The following KCNH5 variants were observed in gnomAD, a reference collection of about 807,000 sequenced individuals.
The protein encoded by KCNH5 is potassium voltage-gated channel subfamily H member 5.
In KCNH5, 46 loss-of-function variants were observed where a neutral mutation model predicts 96.1. The observed-to-expected ratio is 0.48, with a 90% CI of 0.38 to 0.61. KCNH5 has a LOEUF of 0.61. Ranked by LOEUF, KCNH5 falls within the 20% of genes least tolerant of loss-of-function variation. The probability of loss-of-function intolerance (pLI) is 0.00; values close to 1 mark genes in which losing one functional copy is unlikely to be tolerated. For missense variants in KCNH5, 907 were observed against 1,225.8 expected (o/e 0.74, Z 3.88); for synonymous variants, 439 against 449.8 (o/e 0.98, Z 0.30).
intron 6 of KCNH5, among the ~76,000 whole-genome samples, chr14:62,954,137 C>A (rs1159397293): frequency 1.3e-5 from 2 of 152,122 alleles, no homozygotes; most frequent in African/African-American, 4.8e-5. Context: ...ACAAGTTATT[C>A]TCTCTGTTTA....
At chr14:62,751,829 TG>T (rs1427446912) in intron 10 of KCNH5, among the ~76,000 whole-genome samples, 1 of 152,200 alleles carries the variant, frequency 6.6e-6, no homozygotes, top group African/African-American at 2.4e-5. Flanking sequence ...CATAGAAGTA[TG>T]GGGACCCATA....
intron 1 of KCNH5, among the ~76,000 whole-genome samples, chr14:63,044,443 G>C (rs1891883990): frequency 6.6e-6 from 1 of 152,158 alleles, no homozygotes; most frequent in African/African-American, 2.4e-5. Flanking sequence ...AATAGTTACT[G>C]CTTCACTTCT....
At chr14:62,899,456 T>G (rs963746430) in intron 7 of KCNH5, among the ~76,000 whole-genome samples, 12 of 152,122 alleles carry the variant, frequency 7.9e-5, no homozygotes, top group Admixed American at 6.5e-4. Context: ...GTGACAGATA[T>G]GTTAAATGGC....
intron 1 of KCNH5, among the ~76,000 whole-genome samples, chr14:63,042,841 T>G (rs1180744381): frequency 6.6e-6 from 1 of 152,208 alleles, no homozygotes; most frequent in Admixed American, 6.5e-5. Context: ...CTGAGACTTT[T>G]CAGTATTTAT....
chr14:62,846,596 A>G (rs1887695954), intron 8 of KCNH5, among the ~76,000 whole-genome samples: 1 of 151,580 alleles, frequency 6.6e-6, no homozygotes. Flanking sequence ...TTAGATTTTT[A>G]GTTCATTTTA....
intron 7 of KCNH5, among the ~76,000 whole-genome samples, chr14:62,858,120 C>T (rs1481208106): frequency 6.6e-6 from 1 of 151,976 alleles, no homozygotes; most frequent in Non-Finnish European, 1.5e-5. Flanking sequence ...TATACATGCA[C>T]AAACACGTTT....
At chr14:62,892,975 C>T (rs1259764362) in intron 7 of KCNH5, among the ~76,000 whole-genome samples, 4 of 152,186 alleles carry the variant, frequency 2.6e-5, no homozygotes, top group African/African-American at 9.6e-5. Context: ...GCTAACACAA[C>T]ATCCATTCTG....
intron 10 of KCNH5, among the ~76,000 whole-genome samples, chr14:62,734,169 C>T (rs1411178958): frequency 6.6e-6 from 1 of 152,050 alleles, no homozygotes; most frequent in Non-Finnish European, 1.5e-5. Context: ...CTCTTCCCCA[C>T]CCCCCAACAT....
chr14:62,983,850 T>C (rs553021834), intron 5 of KCNH5, among the ~76,000 whole-genome samples: 1 of 152,316 alleles, frequency 6.6e-6, no homozygotes, highest in African/African-American at 2.4e-5. Flanking sequence ...AAGATATCTG[T>C]CTTACATTTC....
At chr14:62,952,529 C>A (rs1376640079) in intron 6 of KCNH5, among the ~76,000 whole-genome samples, 2 of 152,130 alleles carry the variant, frequency 1.3e-5, no homozygotes, top group Non-Finnish European at 2.9e-5. Flanking sequence ...AAAACTCAAA[C>A]AGAGTTCAGT....
chr14:62,802,635 A>G, intron 8 of KCNH5, 54 bp from the exon 9 acceptor site: 1 of 1,583,150 alleles, frequency 6.3e-7, no homozygotes, highest in Non-Finnish European at 8.6e-7. Flanking sequence ...GGGCCACTTC[A>G]GAAAAACAAT....
At chr14:62,898,416 C>CT (rs775746365) in intron 7 of KCNH5, among the ~76,000 whole-genome samples, 19 of 152,074 alleles carry the variant, frequency 1.2e-4, no homozygotes, top group Non-Finnish European at 2.5e-4. Flanking sequence ...AAATAATAGA[C>CT]TTGGAGATTT....
At chr14:62,770,557 A>T (rs1885963258) in intron 10 of KCNH5, among the ~76,000 whole-genome samples, 1 of 152,182 alleles carries the variant, frequency 6.6e-6, no homozygotes. Flanking sequence ...GGTTAAATGG[A>T]ATCTACATGT....
chr14:62,920,220 G>A (rs1889354031), intron 7 of KCNH5, among the ~76,000 whole-genome samples: 2 of 151,894 alleles, frequency 1.3e-5, no homozygotes, highest in Non-Finnish European at 2.9e-5. Flanking sequence ...GGAGGGATAG[G>A]GAAAAGAAGG....
intron 4 of KCNH5, among the ~76,000 whole-genome samples, chr14:63,000,161 C>T (rs1315195289): frequency 6.6e-6 from 1 of 152,102 alleles, no homozygotes; most frequent in Non-Finnish European, 1.5e-5. Flanking sequence ...AAGGAATAAA[C>T]TTACTGTGAT....
At chr14:62,817,895 T>C (rs1887025964) in intron 8 of KCNH5, among the ~76,000 whole-genome samples, 1 of 124,950 alleles carries the variant, frequency 8.0e-6, no homozygotes. Flanking sequence ...AATATAAATA[T>C]AAATATAAAT....
At chr14:62,901,754 T>C (rs975750852) in intron 7 of KCNH5, among the ~76,000 whole-genome samples, 8 of 152,230 alleles carry the variant, frequency 5.3e-5, no homozygotes, top group Admixed American at 2.0e-4. Flanking sequence ...AGTAATGGGA[T>C]TGCTGGGTCA....
At chr14:62,903,909 T>A (rs1203731087) in intron 7 of KCNH5, among the ~76,000 whole-genome samples, 1 of 151,858 alleles carries the variant, frequency 6.6e-6, no homozygotes, top group Non-Finnish European at 1.5e-5. Flanking sequence ...TAAATCATAT[T>A]TTTTTATTTT....
chr14:62,814,182 T>G (rs1324037028), intron 8 of KCNH5, among the ~76,000 whole-genome samples: 1 of 152,304 alleles, frequency 6.6e-6, no homozygotes, highest in Admixed American at 6.5e-5. Flanking sequence ...AGACCTAAAG[T>G]TTTTGCTTCA....
Sources: allele counts gnomAD v4.1 joint callset (sites outside exome capture counted in the v4.1 genomes callset), GRCh38; gene constraint gnomAD v4.1.1; transcripts MANE v1.5; gene names NCBI Gene and HGNC (gene_info 2026-07-23, HGNC 2026-07-21).